IL15: variants seen among roughly 807,000 people sequenced by gnomAD.
IL15 encodes the protein interleukin 15.
A neutral mutation model predicts 19.6 loss-of-function variants in IL15; 11 were observed. That is an observed-to-expected ratio of 0.56 (90% CI 0.35 to 0.93). The LOEUF (loss-of-function observed/expected upper bound fraction) is 0.93, where lower values mean the gene tolerates loss of function less well. Ranked by LOEUF, IL15 falls within the 40% of genes least tolerant of loss-of-function variation. The pLI is 0.01. For missense variants in IL15, 197 were observed against 186.5 expected (o/e 1.06, Z -0.33); for synonymous variants, 58 against 59.6 (o/e 0.97, Z 0.12).
chr4:141,670,098 T>C (rs918425713), intron 2 of IL15, among the ~76,000 whole-genome samples: 3 of 151,404 alleles, frequency 2.0e-5, no homozygotes, highest in African/African-American at 7.3e-5. Context: ...GATATAAAAA[T>C]AGATTCAATA....
At chr4:141,704,361 C>T (rs1444345860) in intron 2 of IL15, among the ~76,000 whole-genome samples, 1 of 151,910 alleles carries the variant, frequency 6.6e-6, no homozygotes, top group African/African-American at 2.4e-5. Flanking sequence ...CTTGTTATAC[C>T]ATGCTTACCA....
At chr4:141,675,455 A>C (rs1053384888) in intron 2 of IL15, among the ~76,000 whole-genome samples, 2 of 152,240 alleles carry the variant, frequency 1.3e-5, no homozygotes, top group Non-Finnish European at 2.9e-5. Context: ...AAGTCTCTGC[A>C]TAAAATGCTC....
chr4:141,681,119 C>G (rs571319413), intron 2 of IL15, among the ~76,000 whole-genome samples: 11 of 152,166 alleles, frequency 7.2e-5, no homozygotes, highest in African/African-American at 2.6e-4. Flanking sequence ...CCTCTTTTAC[C>G]TTAATTGAGT....
intron 2 of IL15, among the ~76,000 whole-genome samples, chr4:141,669,141 ATTAG>A (rs1230743241): frequency 6.6e-6 from 1 of 152,216 alleles, no homozygotes; most frequent in Non-Finnish European, 1.5e-5. Flanking sequence ...GTAACAAAAA[ATTAG>A]TTAAGAACCT....
At chr4:141,665,762 AT>A (rs1186789416) in intron 2 of IL15, among the ~76,000 whole-genome samples, 2 of 152,036 alleles carry the variant, frequency 1.3e-5, no homozygotes, top group African/African-American at 4.8e-5. Context: ...GGATTAGGTA[AT>A]TTCCCCTACA....
At position 141,644,047 on chromosome 4, in the gene IL15, G is replaced by A. The variant is rs142100282; in HGVS notation, c.-222+7299G>A. Reference sequence around the variant, plus strand: ...AACGTCTCTTTATGTCATATTCCACGTTGAATCTGCCACCAAATTATTTAG... The same window carrying A: ...AACGTCTCTTTATGTCATATTCCACATTGAATCTGCCACCAAATTATTTAG... On this transcript the variant is annotated intron_variant, in intron 1 of 7. Transcript: ENST00000320650. Among the ~76,000 whole-genome samples, 819 of 151,696 alleles carry A rather than the reference G, an allele frequency of 5.4e-3. 7 individuals are homozygous for A. The highest frequency in any genetic ancestry group is 0.019 in the African/African-American group (793 of 41,358).
At chr4:141,708,335 G>C (rs1729594522) in intron 2 of IL15, among the ~76,000 whole-genome samples, 1 of 152,186 alleles carries the variant, frequency 6.6e-6, no homozygotes, top group African/African-American at 2.4e-5. Flanking sequence ...AGTGGAATGA[G>C]AGCAGGGCCT....
intron 2 of IL15, among the ~76,000 whole-genome samples, chr4:141,682,802 A>G (rs1728576198): frequency 6.6e-6 from 1 of 151,982 alleles, no homozygotes; most frequent in Non-Finnish European, 1.5e-5. Context: ...TAAAAATACA[A>G]AAAAAATTAG....
At chr4:141,640,748 T>C (rs1727015259) in intron 1 of IL15, among the ~76,000 whole-genome samples, 1 of 152,230 alleles carries the variant, frequency 6.6e-6, no homozygotes, top group African/African-American at 2.4e-5. Context: ...CAGAAGACTC[T>C]ATGTAGACCG....
intron 5 of IL15, among the ~76,000 whole-genome samples, chr4:141,724,878 C>A (rs1730208694): frequency 6.6e-6 from 1 of 152,070 alleles, no homozygotes; most frequent in Admixed American, 6.6e-5. Flanking sequence ...TTTACAGAAG[C>A]ATTAACAACA....
At chr4:141,657,021 G>C (rs1727630482) in intron 2 of IL15, among the ~76,000 whole-genome samples, 1 of 152,056 alleles carries the variant, frequency 6.6e-6, no homozygotes, top group Non-Finnish European at 1.5e-5. Context: ...TCTGTTGTGG[G>C]AACATCCTAG....
chr4:141,636,779 G>A (rs1293497819), intron 1 of IL15, 31 bp downstream of exon 1: 1 of 152,254 alleles, frequency 6.6e-6, no homozygotes, highest in Non-Finnish European at 1.5e-5. Flanking sequence ...GCCTTGGGAG[G>A]GGAGTGGTGG....
chr4:141,731,048 G>A (rs1197540698), intron 7 of IL15, among the ~76,000 whole-genome samples: 1 of 152,156 alleles, frequency 6.6e-6, no homozygotes, highest in African/African-American at 2.4e-5. Flanking sequence ...AAAGATGTGA[G>A]AGAATGAGCC....
At chr4:141,669,776 A>T (rs1728107058) in intron 2 of IL15, among the ~76,000 whole-genome samples, 1 of 149,030 alleles carries the variant, frequency 6.7e-6, no homozygotes, top group Non-Finnish European at 1.5e-5. Context: ...TATTCTTTGT[A>T]TTTTTTTTTT....
chr4:141,646,773 A>C (rs895663916), intron 1 of IL15, among the ~76,000 whole-genome samples: 7 of 152,070 alleles, frequency 4.6e-5, no homozygotes, highest in African/African-American at 1.4e-4. Context: ...TAATATTTTC[A>C]TATAAGGGAC....
At chr4:141,732,593 C>T (rs750430320) in intron 7 of IL15, 145 bp from the exon 8 acceptor site, 6 of 1,051,706 alleles carry the variant, frequency 5.7e-6, no homozygotes, top group Non-Finnish European at 8.0e-6. Flanking sequence ...CCTCGTAGTT[C>T]TTCCTAATAT....
At chr4:141,677,251 C>T (rs2152170569) in intron 2 of IL15, among the ~76,000 whole-genome samples, 2 of 152,264 alleles carry the variant, frequency 1.3e-5, no homozygotes, top group Middle Eastern at 6.8e-3. Flanking sequence ...CCTTTTCCTC[C>T]TCAGCTTACT....
At chr4:141,639,959 G>A (rs1726988625) in intron 1 of IL15, among the ~76,000 whole-genome samples, 1 of 152,000 alleles carries the variant, frequency 6.6e-6, no homozygotes, top group South Asian at 2.1e-4. Context: ...ATGTCTATAT[G>A]TGTGCATATA....
chr4:141,677,241 C>G (rs1381315776), intron 2 of IL15, among the ~76,000 whole-genome samples: 5 of 152,198 alleles, frequency 3.3e-5, no homozygotes, highest in African/African-American at 1.2e-4. Flanking sequence ...ACCAACCTCT[C>G]CTTTTCCTCC....
Sources: allele counts gnomAD v4.1 joint callset (sites outside exome capture counted in the v4.1 genomes callset), GRCh38; gene constraint gnomAD v4.1.1; transcripts MANE v1.5; gene names NCBI Gene and HGNC (gene_info 2026-07-23, HGNC 2026-07-21).